Variants in IGF1R observed in about 807,000 individuals in gnomAD.
IGF1R encodes the protein insulin like growth factor 1 receptor, also known as insulin-like growth factor 1 receptor.
In IGF1R, 44 loss-of-function variants were observed where a neutral mutation model predicts 144.6. The observed-to-expected ratio is 0.30, with a 90% confidence interval of 0.24 to 0.39. IGF1R has a LOEUF of 0.39. IGF1R is among the 10% of genes least tolerant of loss of function. IGF1R has a pLI of 1.00. For missense variants in IGF1R, 1,355 were observed against 1,833.7 expected (o/e 0.74, Z 4.77); for synonymous variants, 795 against 722.8 (o/e 1.10, Z -1.60).
chr15:98,873,947 G>A (rs2012918724), intron 2 of IGF1R: 1 of 152,170 alleles, frequency 6.6e-6, no homozygotes, highest in Non-Finnish European at 1.5e-5. Flanking sequence ...TGTATGCTCC[G>A]GTCAGAACTG....
At chr15:98,788,149 C>T (rs953668496) in intron 2 of IGF1R, among the ~76,000 whole-genome samples, 3 of 151,584 alleles carry the variant, frequency 2.0e-5, no homozygotes, top group African/African-American at 7.3e-5. Context: ...TACACATGCC[C>T]GTATGCTATT....
chr15:98,717,741 A>C (rs773579055), intron 2 of IGF1R, among the ~76,000 whole-genome samples: 1 of 152,246 alleles, frequency 6.6e-6, no homozygotes, highest in Non-Finnish European at 1.5e-5. Flanking sequence ...TGATACTGAC[A>C]TTAAATCATT....
chr15:98,961,574 T>G lies in IGF1R; in HGVS notation c.*4132T>G, dbSNP rs1390246121. The G allele has an allele frequency of 4.3e-6, 1 of 233,684 alleles. No homozygotes were observed. 14.5% of individuals were successfully genotyped at this position (233,684 alleles called of 1,614,324 possible). ...TTCCAAATAATCTTAAGCTGAGTTG[T>G]GGCATTTTCCATGCAACCTCCTTCT... On this transcript the variant is annotated 3_prime_UTR_variant, in exon 21 of 21. Coordinates refer to ENST00000650285, the MANE Select transcript of IGF1R (RefSeq NM_000875.5).
intron 1 of IGF1R, among the ~76,000 whole-genome samples, chr15:98,692,568 C>A (rs1473030058): frequency 1.3e-5 from 2 of 152,170 alleles, no homozygotes; most frequent in African/African-American, 4.8e-5. Flanking sequence ...ATTTACCATA[C>A]CCTGGAAACC....
At chr15:98,675,246 C>A (rs951299592) in intron 1 of IGF1R, among the ~76,000 whole-genome samples, 2 of 152,236 alleles carry the variant, frequency 1.3e-5, no homozygotes, top group South Asian at 4.1e-4. Flanking sequence ...ACCTTGGTCT[C>A]CCAGAGTGCT....
At chr15:98,909,871 A>G (rs1204975919) in intron 6 of IGF1R, among the ~76,000 whole-genome samples, 23 of 152,226 alleles carry the variant, frequency 1.5e-4, no homozygotes, top group Non-Finnish European at 1.5e-4. Context: ...TTTCTCATCT[A>G]ACCCTGTGTA....
chr15:98,705,663 C>T (rs1016238134), intron 1 of IGF1R, among the ~76,000 whole-genome samples: 9 of 152,198 alleles, frequency 5.9e-5, no homozygotes, highest in Non-Finnish European at 1.0e-4. Flanking sequence ...TCTTCGCTAT[C>T]TCTGCTCAGT....
At chr15:98,853,586 A>G (rs1449859539) in intron 2 of IGF1R, among the ~76,000 whole-genome samples, 3 of 152,226 alleles carry the variant, frequency 2.0e-5, no homozygotes, top group Non-Finnish European at 2.9e-5. Flanking sequence ...GGTTTGGAAT[A>G]TTTTGTGAAA....
chr15:98,767,422 T>C (rs1424971479), intron 2 of IGF1R, among the ~76,000 whole-genome samples: 1 of 152,320 alleles, frequency 6.6e-6, no homozygotes, highest in South Asian at 2.1e-4. Flanking sequence ...GGCATAACTG[T>C]AATTATCCGG....
At chr15:98,765,308 CTTTTTTTTTTTTTTTT>C (rs139280569) in intron 2 of IGF1R, among the ~76,000 whole-genome samples, 2 of 61,814 alleles carry the variant, frequency 3.2e-5, no homozygotes, top group Non-Finnish European at 5.7e-5. Context: ...ATGCCAACAC[CTTTTTTTTTTTTTTTT>C]TTTTTTTTTT....
At chr15:98,718,971 C>T (rs993278460) in intron 2 of IGF1R, among the ~76,000 whole-genome samples, 13 of 152,060 alleles carry the variant, frequency 8.5e-5, no homozygotes, top group African/African-American at 2.4e-4. Context: ...ACAACGTTTC[C>T]GTTCCTATTT....
At chr15:98,904,086 TC>T (rs2014611596) in intron 5 of IGF1R, among the ~76,000 whole-genome samples, 3 of 140,194 alleles carry the variant, frequency 2.1e-5, no homozygotes, top group Non-Finnish European at 3.0e-5. Context: ...GGAGTCTCAC[TC>T]TGTCACCCAG....
intron 17 of IGF1R, among the ~76,000 whole-genome samples, chr15:98,938,636 G>T (rs1477978095): frequency 6.6e-6 from 1 of 152,166 alleles, no homozygotes; most frequent in African/African-American, 2.4e-5. Flanking sequence ...ATGCCACATT[G>T]TAAGGTGAAA....
rs2017171422 is a variant in IGF1R, at chr15:98,960,282, T to G, written c.*2840T>G. On this transcript the variant is annotated 3_prime_UTR_variant, in exon 21 of 21. Coordinates refer to ENST00000650285, the MANE Select transcript of IGF1R (RefSeq NM_000875.5). ...GCTTGCCTTTTTCTGAGATGTCCTG[T>G]TTTGTGTTGCTTTTTTTGTTTTGTT... 1.0e-5 allele frequency: 2 copies of G among 194,178 alleles called. No individual in the cohort carries two copies. Among genetic ancestry groups the G allele is most frequent in the Admixed American group, 1.6e-4 (2 of 12,688 alleles). 12.0% of individuals were successfully genotyped at this position (194,178 alleles called of 1,614,324 possible).
At chr15:98,815,536 A>G (rs1485629078) in intron 2 of IGF1R, among the ~76,000 whole-genome samples, 3 of 152,328 alleles carry the variant, frequency 2.0e-5, no homozygotes, top group Non-Finnish European at 2.9e-5. Flanking sequence ...TCCTATTGCA[A>G]TTATTTATGG....
chr15:98,701,324 ATTTTTTTTTTTT>A (rs10581900), intron 1 of IGF1R, among the ~76,000 whole-genome samples: 15 of 73,020 alleles, frequency 2.1e-4, no homozygotes, highest in African/African-American at 7.5e-4. Context: ...AGCCTATCTC[ATTTTTTTTTTTT>A]TTTTTTTTTT....
chr15:98,767,381 A>G (rs555353147), intron 2 of IGF1R, among the ~76,000 whole-genome samples: 4 of 152,276 alleles, frequency 2.6e-5, no homozygotes, highest in South Asian at 2.1e-4. Context: ...TGCTCCTGCT[A>G]TGAAGGATGG....
At chr15:98,775,610 C>T (rs2055693143) in intron 2 of IGF1R, among the ~76,000 whole-genome samples, 1 of 152,196 alleles carries the variant, frequency 6.6e-6, no homozygotes, top group Non-Finnish European at 1.5e-5. Context: ...CTTTGGCCAC[C>T]TCTGCAGCTA....
chr15:98,947,188 C>G (rs563390437), intron 19 of IGF1R, among the ~76,000 whole-genome samples: 1 of 152,222 alleles, frequency 6.6e-6, no homozygotes, highest in Non-Finnish European at 1.5e-5. Context: ...TTCTTGGTCA[C>G]TTGTAATTAA....
Sources: allele counts gnomAD v4.1 joint callset (sites outside exome capture counted in the v4.1 genomes callset), GRCh38; gene constraint gnomAD v4.1.1; transcripts MANE v1.5; gene names NCBI Gene and HGNC (gene_info 2026-07-23, HGNC 2026-07-21).